ZNF407: variants seen among roughly 807,000 people sequenced by gnomAD.
ZNF407 encodes zinc finger protein 407.
In ZNF407, 17 loss-of-function variants were observed where a neutral mutation model predicts 131.2. The ratio of observed to expected loss-of-function variants is 0.13; its 90% CI spans 0.09 to 0.19. The LOEUF (loss-of-function observed/expected upper bound fraction) is 0.19, where lower values mean the gene tolerates loss of function less well. Ranked by LOEUF, ZNF407 falls within the 10% of genes least tolerant of loss-of-function variation. The probability of loss-of-function intolerance (pLI) is 1.00; values close to 1 mark genes in which losing one functional copy is unlikely to be tolerated. For missense variants in ZNF407, 2,681 were observed against 2,830.6 expected, an observed-to-expected ratio of 0.95 and a Z score of 1.20; for synonymous variants, 1,156 against 1,062.0, an observed-to-expected ratio of 1.09 and a Z score of -1.72.
chr18:75,045,943 G>T (rs958373501), intron 8 of ZNF407, among the ~76,000 whole-genome samples: 1 of 152,030 alleles, frequency 6.6e-6, no homozygotes, highest in African/African-American at 2.4e-5. Flanking sequence ...CATTATCTTC[G>T]TGAATAGGTA....
At chr18:74,980,934 A>G (rs1256422084) in intron 8 of ZNF407, among the ~76,000 whole-genome samples, 1 of 152,168 alleles carries the variant, frequency 6.6e-6, no homozygotes, top group Non-Finnish European at 1.5e-5. Context: ...TTTGCCATCT[A>G]CGATATCAAG....
At chr18:74,988,007 G>T (rs1184519880) in intron 8 of ZNF407, among the ~76,000 whole-genome samples, 1 of 152,132 alleles carries the variant, frequency 6.6e-6, no homozygotes, top group East Asian at 1.9e-4. Context: ...TTTTGGAAAA[G>T]AAAACAAACT....
chr18:74,836,008 G>GAAA (rs572896349), intron 4 of ZNF407, among the ~76,000 whole-genome samples: 2 of 129,796 alleles, frequency 1.5e-5, no homozygotes, highest in African/African-American at 2.8e-5. Flanking sequence ...GACCCTTATG[G>GAAA]AAAAAAAAAA....
In ZNF407 at chr18:74,633,290, G is replaced by A; in HGVS notation, c.2271G>A (p.Lys757=). 2.5e-6 allele frequency: 4 copies of A among 1,612,586 alleles called. No individual in the cohort carries two copies. Among genetic ancestry groups the A allele is most frequent in the Non-Finnish European group, 3.4e-6 (4 of 1,179,598 alleles). ...EGMEKHIKRS[K]HLENAKKNNI... ...TGGAGAAACACATTAAAAGAAGCAA[G>A]CATCTTGAAAATGCTAAGAAAAATA... The change falls in exon 2 of 9, where the codon AAG becomes AAA. Residue 757 remains lysine, a synonymous_variant. Coordinates refer to ENST00000299687, the MANE Select transcript of ZNF407 (RefSeq NM_017757.3).
At chr18:74,828,550 A>G (rs1298747784) in intron 4 of ZNF407, among the ~76,000 whole-genome samples, 5 of 151,064 alleles carry the variant, frequency 3.3e-5, no homozygotes, top group Non-Finnish European at 7.4e-5. Context: ...TATTTAGTCC[A>G]TTAAAATAAT....
chr18:74,904,644 G>A (rs1191181139), intron 7 of ZNF407, among the ~76,000 whole-genome samples: 1 of 152,206 alleles, frequency 6.6e-6, no homozygotes, highest in Non-Finnish European at 1.5e-5. Flanking sequence ...TTTCTATGGA[G>A]TGGAGGGTAG....
intron 4 of ZNF407, among the ~76,000 whole-genome samples, chr18:74,842,996 A>G (rs1376174144): frequency 1.3e-5 from 2 of 152,146 alleles, no homozygotes; most frequent in Non-Finnish European, 1.5e-5. Flanking sequence ...AATTACAGGC[A>G]TGAGCCACCG....
intron 3 of ZNF407, among the ~76,000 whole-genome samples, chr18:74,757,999 C>T (rs569169742): frequency 3.6e-4 from 55 of 152,260 alleles, no homozygotes; most frequent in African/African-American, 1.1e-3. Context: ...CATCCTGATA[C>T]GTTCAACTTA....
Position 75,064,079 on chromosome 18 carries a change from G to A in ZNF407, c.6358G>A (p.Gly2120Ser). ...EGAVHMVAGE[G>S]AQIIMQEAQG... is the part of the protein sequence containing the mutation. ...TGCCGTCCACATGGTCGCCGGGGAGGGTGCCCAGATCATCATGCAGGAGGC... is the reference window on the plus strand; with the variant it reads ...TGCCGTCCACATGGTCGCCGGGGAGAGTGCCCAGATCATCATGCAGGAGGC... The change falls in exon 9 of 9, where the codon GGT becomes AGT. Residue 2120 changes from glycine to serine, a missense_variant. By Grantham distance (56) the Gly-to-Ser change is moderately conservative. Around this residue, in one of 6 missense-constraint regions of ZNF407, gnomAD observed 620 missense variants for 583.1 expected, o/e 1.06. Transcript: ENST00000299687. 6.3e-7 allele frequency: 1 copy of A among 1,589,424 alleles called. No homozygotes were observed. Among genetic ancestry groups the A allele is most frequent in the South Asian group, 1.1e-5 (1 of 87,460 alleles).
chr18:74,906,107 C>T (rs532424001), intron 7 of ZNF407, among the ~76,000 whole-genome samples: 1 of 152,176 alleles, frequency 6.6e-6, no homozygotes, highest in Non-Finnish European at 1.5e-5. Context: ...GCACTTCTCT[C>T]TTCCCGTTTT....
intron 4 of ZNF407, among the ~76,000 whole-genome samples, chr18:74,840,305 C>A (rs1171385818): frequency 6.6e-6 from 1 of 151,932 alleles, no homozygotes; most frequent in Admixed American, 6.6e-5. Context: ...AGGGGTCTTA[C>A]CCAGTGCTGT....
chr18:74,631,213 G>T lies in ZNF407; in HGVS notation c.194G>T (p.Gly65Val). ...TCGAACTCTGATAGTGTTGTTATAG[G>T]AGAAGACAGAAATAAACATGCTTCC... The part of the protein sequence containing the change: ...ESSNSDSVVI[G>V]EDRNKHASKR... The change falls in exon 2 of 9, where the codon GGA (glycine) becomes GTA (valine). Residue 65 changes from glycine to valine, a missense_variant. Gly to Val is a moderately radical substitution (Grantham distance 109, BLOSUM62 -3). This residue lies in a region of ZNF407 where 1,789 missense variants were observed against 1,748.7 expected (regional missense o/e 1.02). Transcript: ENST00000299687. 1 of 1,613,940 alleles carries T rather than the reference G, an allele frequency of 6.2e-7. No individual in the cohort carries two copies. Among genetic ancestry groups the T allele is most frequent in the Non-Finnish European group, 8.5e-7 (1 of 1,179,866 alleles).
intron 8 of ZNF407, among the ~76,000 whole-genome samples, chr18:75,013,398 G>T (rs1973006161): frequency 6.6e-6 from 1 of 152,070 alleles, no homozygotes; most frequent in African/African-American, 2.4e-5. Flanking sequence ...TGGCAGCAAA[G>T]AAAAGAATCT....
chr18:74,739,043 T>A (rs1968486623), intron 3 of ZNF407, among the ~76,000 whole-genome samples: 2 of 152,118 alleles, frequency 1.3e-5, no homozygotes, highest in Admixed American at 1.3e-4. Flanking sequence ...GATTAGCTTT[T>A]TTTTAGTGCC....
intron 8 of ZNF407, among the ~76,000 whole-genome samples, chr18:74,960,261 G>GGA (rs1972324342): frequency 4.7e-5 from 7 of 148,270 alleles, no homozygotes; most frequent in African/African-American, 9.9e-5. Flanking sequence ...CTGAGTGAGT[G>GGA]CTTGGTGGAG....
intron 4 of ZNF407, among the ~76,000 whole-genome samples, chr18:74,815,922 CA>C (rs1236553662): frequency 2.0e-5 from 3 of 152,190 alleles, no homozygotes; most frequent in Non-Finnish European, 4.4e-5. Context: ...AATAGTGTCC[CA>C]TGCCTCCCAA....
At chr18:74,715,010 G>A (rs915283413) in intron 3 of ZNF407, among the ~76,000 whole-genome samples, 6 of 152,040 alleles carry the variant, frequency 3.9e-5, no homozygotes, top group African/African-American at 9.7e-5. Flanking sequence ...CTGCTCCCTG[G>A]GTAGCCCTGC....
intron 4 of ZNF407, among the ~76,000 whole-genome samples, chr18:74,782,292 C>G (rs538663232): frequency 6.6e-6 from 1 of 152,242 alleles, no homozygotes; most frequent in South Asian, 2.1e-4. Flanking sequence ...TCAAAAGTCA[C>G]TAGTGATGCA....
intron 8 of ZNF407, among the ~76,000 whole-genome samples, chr18:74,991,826 C>T (rs1029408870): frequency 1.3e-5 from 2 of 152,226 alleles, no homozygotes; most frequent in Admixed American, 1.3e-4. Context: ...AGCCAAGTCC[C>T]TTCAGGAGTA....
Sources: allele counts gnomAD v4.1 joint callset (sites outside exome capture counted in the v4.1 genomes callset), GRCh38; gene constraint gnomAD v4.1.1; regional missense constraint gnomAD v4.1.1; transcripts MANE v1.5; gene names NCBI Gene and HGNC (gene_info 2026-07-23, HGNC 2026-07-21).